The following FCHSD1 variants were observed in gnomAD, a reference collection of about 807,000 sequenced individuals.
The protein encoded by FCHSD1 is FCH and double SH3 domains 1.
In FCHSD1, 109 loss-of-function variants were observed where a neutral mutation model predicts 101.3. That is an observed-to-expected ratio of 1.08 (90% confidence interval 0.92 to 1.26). FCHSD1 has a LOEUF of 1.26. FCHSD1 is among the 50% of genes most tolerant of loss of function. The pLI is 0.00. For missense variants in FCHSD1, 820 were observed against 895.8 expected (o/e 0.92, Z 1.08); for synonymous variants, 291 against 356.8 (o/e 0.82, Z 2.08).
chr5:141,645,763 G>C lies in FCHSD1; in HGVS notation c.1311+8C>G, dbSNP rs753619183. 1.9e-6 allele frequency: 3 copies of C among 1,609,162 alleles called. No homozygotes were observed. The highest frequency in any genetic ancestry group is 1.7e-6 in the Non-Finnish European group (2 of 1,177,274). On this transcript the variant is annotated splice_region_variant and intron_variant, in intron 13 of 19. Coordinates refer to ENST00000435817, the MANE Select transcript of FCHSD1 (RefSeq NM_033449.3). ...GTAAGGATGGGTAGTGTTGGGGGAG[G>C]AGCTCACGGTTGGAGAGAGGTCCCT...
At position 141,641,037 on chromosome 5, in the gene FCHSD1, A is replaced by G; in HGVS notation, c.*461T>C. The G allele has an allele frequency of 2.9e-6, 1 of 349,780 alleles. No homozygotes were observed. Among genetic ancestry groups the G allele is most frequent in the Non-Finnish European group, 5.2e-6 (1 of 193,576 alleles). 21.7% of individuals were successfully genotyped at this position (349,780 alleles called of 1,614,324 possible). ...GGCCTGGCCTTCGTGCCCTTTATTC[A>G]TTGTCAATAAATCCGCTCAGACCAT... is the stretch of plus-strand genomic sequence containing the variant. On this transcript the variant is annotated 3_prime_UTR_variant, in exon 20 of 20. Transcript: ENST00000435817.
At chr5:141,647,716 C>A (rs1399979819) in intron 8 of FCHSD1, 196 bp from the exon 9 acceptor site, 2 of 980,386 alleles carry the variant, frequency 2.0e-6, no homozygotes, top group Non-Finnish European at 2.9e-6. Context: ...CCTTTGAGCC[C>A]CACTAGTGCT....
At position 141,639,598 on chromosome 5, in the gene FCHSD1, A is replaced by C; in HGVS notation, c.*1900T>G. On this transcript the variant is annotated 3_prime_UTR_variant, in exon 20 of 20. Coordinates refer to ENST00000435817, the MANE Select transcript of FCHSD1 (RefSeq NM_033449.3). This position sits in a 1 kb window ranked among gnomAD's most constrained non-coding sequence, Gnocchi z 4.4. ...CTTGTCCGTCAGGGACGCTCCAAGG[A>C]AGGAAAAAGCCGCCCCCGGACAGGG... 6.2e-7 allele frequency: 1 copy of C among 1,613,754 alleles called. No homozygotes were observed. Among genetic ancestry groups the C allele is most frequent in the Non-Finnish European group, 8.5e-7 (1 of 1,179,960 alleles).
chr5:141,650,947 G>T, intron 2 of FCHSD1, 73 bp downstream of exon 2: 1 of 1,396,662 alleles, frequency 7.2e-7, no homozygotes, highest in Non-Finnish European at 9.9e-7. Flanking sequence ...CTCCACCCCA[G>T]CACATGTATA....
Position 141,649,723 on chromosome 5 carries a change from CCA to C in FCHSD1, c.233+162_233+163del, listed in dbSNP as rs761565403. On this transcript the variant is annotated intron_variant, in intron 4 of 19. Coordinates refer to ENST00000435817, the MANE Select transcript of FCHSD1 (RefSeq NM_033449.3). This position sits in a 1 kb window ranked among gnomAD's most constrained non-coding sequence, Gnocchi z 4.1. ...GCCTCACTCCTGCCCTCCACCCCAC[CCA>C]CAGTGTCCTTGCTGGGTCAGCTCCT... 3.3e-5 allele frequency among the ~76,000 whole-genome samples: 5 copies of C among 152,244 alleles called. No homozygotes were observed. The highest frequency in any genetic ancestry group is 6.5e-5 in the Admixed American group (1 of 15,288).
rs781056296 is a variant in FCHSD1, at chr5:141,639,463, G to A, written c.*2035C>T. The stretch of plus-strand genomic sequence containing the variant: ...TCACTCCCCTCCTCCCTGCTGTCCA[G>A]TGTGGATGCCACCTCCAGCCTGCAG... On this transcript the variant is annotated 3_prime_UTR_variant, in exon 20 of 20. Coordinates refer to ENST00000435817, the MANE Select transcript of FCHSD1 (RefSeq NM_033449.3). The surrounding 1 kb of genome is among the most constrained non-coding windows in gnomAD (Gnocchi z 4.4). 1 of 1,609,642 alleles carries A rather than the reference G, an allele frequency of 6.2e-7. No individual in the cohort carries two copies. Among genetic ancestry groups the A allele is most frequent in the Admixed American group, 1.7e-5 (1 of 59,596 alleles).
In FCHSD1 at chr5:141,650,345, G is replaced by C. The variant is rs766814607; in HGVS notation, c.165+14C>G. The stretch of plus-strand genomic sequence containing the variant: ...GCTGGAACAAGAGGTAAGGTCCAGA[G>C]AAAAGTCCCATACCTGCCCATACTC... On this transcript the variant is annotated intron_variant, in intron 3 of 19. Transcript: ENST00000435817. The C allele has an allele frequency of 5.5e-5, 88 of 1,613,802 alleles. No homozygotes were observed. Among genetic ancestry groups the C allele is most frequent in the Non-Finnish European group, 6.7e-5 (79 of 1,179,842 alleles).
Position 141,641,583 on chromosome 5 carries a change from A to G in FCHSD1, c.2008-20T>C, listed in dbSNP as rs1377788605. On this transcript the variant is annotated intron_variant, in intron 19 of 19. Coordinates refer to ENST00000435817, the MANE Select transcript of FCHSD1 (RefSeq NM_033449.3). ...ACGCATCTGTAGGGAACACACAGTT[A>G]GTGCTCCAGAGTTCTCCCTTAAGGG... The G allele has an allele frequency of 6.3e-7, 1 of 1,578,172 alleles. No individual in the cohort carries two copies.
At chr5:141,642,354 G>A in intron 18 of FCHSD1, 1 of 673,182 alleles carries the variant, frequency 1.5e-6, no homozygotes, top group Admixed American at 2.4e-5. Flanking sequence ...TCCAAAGGGG[G>A]CAAAGGTAGG....
intron 2 of FCHSD1, among the ~76,000 whole-genome samples, 152 bp downstream of exon 2, chr5:141,650,868 T>C (rs2154598534): frequency 6.6e-6 from 1 of 151,856 alleles, no homozygotes; most frequent in East Asian, 1.9e-4. Flanking sequence ...TCCTATCCAG[T>C]ATCTGGAGAG....
At position 141,649,347 on chromosome 5, in the gene FCHSD1, C is replaced by G. The variant is rs755112405; in HGVS notation, c.376-39G>C. 3.7e-6 allele frequency: 6 copies of G among 1,613,812 alleles called. No homozygotes were observed. The South Asian group carries it at 4.4e-5, about 12-fold the overall frequency. ...TACACAAAGTCCTTACCTAGACCAC[C>G]TTTGGTCCCAAGCCAGCTCTTCCTT... On this transcript the variant is annotated intron_variant, in intron 5 of 19. Transcript: ENST00000435817. This position sits in a 1 kb window ranked among gnomAD's most constrained non-coding sequence, Gnocchi z 4.1.
In FCHSD1 at chr5:141,639,497, C is replaced by T; in HGVS notation, c.*2001G>A. The T allele has an allele frequency of 6.2e-7, 1 of 1,613,876 alleles. No individual in the cohort carries two copies. On this transcript the variant is annotated 3_prime_UTR_variant, in exon 20 of 20. Coordinates refer to ENST00000435817, the MANE Select transcript of FCHSD1 (RefSeq NM_033449.3). This position sits in a 1 kb window ranked among gnomAD's most constrained non-coding sequence, Gnocchi z 4.4. ...CCACCTCCAGCCTGCAGGACGGAGC[C>T]CCCTCCCATCATCACACAGTGCACC...
Position 141,645,817 on chromosome 5 carries a change from C to T in FCHSD1, c.1265G>A (p.Arg422Gln), listed in dbSNP as rs755434454. 9.9e-6 allele frequency: 16 copies of T among 1,609,940 alleles called. No homozygotes were observed. The highest frequency in any genetic ancestry group is 1.6e-4 in the Middle Eastern group (1 of 6,076). ...GGACAGCCGAGCCTCACTGAGCCGC[C>T]GCTCCTGCTCCACCTCATCCTGGGC... Reference protein sequence around the residue: ...TQAQDEVEQERRLSEARLSQR... With the variant: ...TQAQDEVEQEQRLSEARLSQR... Residue 422 changes from arginine (R) to glutamine (Q), a missense_variant, in exon 13 of 20, where the codon CGG becomes CAG. By Grantham distance (43) the Arg-to-Gln change is conservative. Transcript: ENST00000435817.
At chr5:141,650,046 T>G (rs962299312) in intron 3 of FCHSD1, 92 bp from the exon 4 acceptor site, 3 of 1,325,638 alleles carry the variant, frequency 2.3e-6, no homozygotes, top group Non-Finnish European at 3.1e-6. Flanking sequence ...ATACCATTCT[T>G]TGGGTACATT....
chr5:141,644,662 A>T lies in FCHSD1; in HGVS notation c.1553T>A (p.Phe518Tyr). ...KARNQHGEVG[F>Y]VPERYLNFPD... ...GAAGTTGAGATATCGCTCAGGGACA[A>T]AGCCTACCTCGCCGTGCTGGTTCCG... is the stretch of plus-strand genomic sequence containing the variant. The change falls in exon 16 of 20, where the codon TTT becomes TAT. Residue 518 changes from phenylalanine (F) to tyrosine (Y), a missense_variant. Transcript: ENST00000435817. The T allele has an allele frequency of 6.2e-7, 1 of 1,613,926 alleles. No homozygotes were observed. The highest frequency in any genetic ancestry group is 1.1e-5 in the South Asian group (1 of 91,080).
chr5:141,650,065 C>T, intron 3 of FCHSD1, 111 bp from the exon 4 acceptor site: 4 of 1,154,710 alleles, frequency 3.5e-6, no homozygotes, highest in Non-Finnish European at 4.8e-6. Context: ...TTATGTGCCA[C>T]TTGCTTTGCT....
At chr5:141,644,738 C>T (rs1348045592) in intron 15 of FCHSD1, 48 bp from the exon 16 acceptor site, 2 of 1,610,580 alleles carry the variant, frequency 1.2e-6, no homozygotes, top group East Asian at 4.5e-5. Context: ...CTCAGCAGTC[C>T]ATGACCCTGG....
intron 8 of FCHSD1, 161 bp downstream of exon 8, chr5:141,647,807 C>CT (rs1319529245): frequency 8.8e-7 from 1 of 1,138,150 alleles, no homozygotes; most frequent in Non-Finnish European, 1.2e-6. Flanking sequence ...CAATGCCATG[C>CT]AGCCAGCTAG....
chr5:141,650,807 G>A (rs1171785476), intron 2 of FCHSD1, among the ~76,000 whole-genome samples: 1 of 146,536 alleles, frequency 6.8e-6, no homozygotes, highest in African/African-American at 2.5e-5. Context: ...GAGGGTTCCT[G>A]TGTGTTTATG....
Sources: gnomAD v4.1 joint callset for allele counts (sites outside exome capture counted in the v4.1 genomes callset) on GRCh38, gnomAD v4.1.1 for gene constraint, Gnocchi (gnomAD v3.1) non-coding constraint, MANE v1.5 for transcripts, NCBI Gene and HGNC (gene_info 2026-07-23, HGNC 2026-07-21) for gene names.